HDAC4: variants seen among roughly 807,000 people sequenced by gnomAD.
HDAC4 encodes the protein histone deacetylase 4.
Under a neutral mutation model 135.1 loss-of-function variants are expected in HDAC4, and 16 were observed. The observed-to-expected ratio is 0.12, with a 90% confidence interval of 0.08 to 0.18. The LOEUF (loss-of-function observed/expected upper bound fraction) is 0.18, where lower values mean the gene tolerates loss of function less well. Ranked by LOEUF, HDAC4 falls within the 10% of genes least tolerant of loss-of-function variation. HDAC4 has a pLI of 1.00. For missense variants in HDAC4, 1,143 were observed against 1,511.8 expected (o/e 0.76, Z 4.05); for synonymous variants, 685 against 653.4 (o/e 1.05, Z -0.74).
chr2:239,158,980 C>G (rs2042601895), intron 6 of HDAC4, among the ~76,000 whole-genome samples: 1 of 151,882 alleles, frequency 6.6e-6, no homozygotes, highest in Non-Finnish European at 1.5e-5. Flanking sequence ...CTATTCACAC[C>G]CATGCCTCAC....
chr2:239,097,418 C>T (rs1251469024), intron 16 of HDAC4, among the ~76,000 whole-genome samples: 1 of 152,258 alleles, frequency 6.6e-6, no homozygotes. Context: ...GGACCCGCCA[C>T]TGCCTGGAGT....
chr2:239,160,887 T>C (rs1240514013), intron 6 of HDAC4, among the ~76,000 whole-genome samples: 1 of 152,200 alleles, frequency 6.6e-6, no homozygotes, highest in East Asian at 1.9e-4. Flanking sequence ...TGCCTGCCTG[T>C]TTTCCCACGT....
At chr2:239,319,273 C>T (rs2053228000) in intron 2 of HDAC4, among the ~76,000 whole-genome samples, 1 of 152,240 alleles carries the variant, frequency 6.6e-6, no homozygotes, top group African/African-American at 2.4e-5. Context: ...ACAATGAAGG[C>T]AGCACACGGC....
intron 1 of HDAC4, among the ~76,000 whole-genome samples, chr2:239,365,616 A>G (rs138928654): frequency 3.3e-5 from 5 of 152,214 alleles, no homozygotes; most frequent in Non-Finnish European, 1.5e-5. Context: ...CAGGGTCATC[A>G]GGGTCATGCA....
chr2:239,223,786 T>C (rs2047094886), intron 3 of HDAC4, among the ~76,000 whole-genome samples: 1 of 151,830 alleles, frequency 6.6e-6, no homozygotes, highest in Non-Finnish European at 1.5e-5. Flanking sequence ...GTAACTCTCT[T>C]GCCAGCAGGA....
intron 2 of HDAC4, among the ~76,000 whole-genome samples, chr2:239,291,125 C>T (rs1400989681): frequency 6.6e-6 from 1 of 152,212 alleles, no homozygotes; most frequent in African/African-American, 2.4e-5. Context: ...TCCAAGTTCC[C>T]AACAAAGAAA....
At chr2:239,117,396 C>T (rs573658352) in intron 12 of HDAC4, among the ~76,000 whole-genome samples, 6 of 152,216 alleles carry the variant, frequency 3.9e-5, no homozygotes, top group Non-Finnish European at 2.9e-5. Flanking sequence ...CAGCTCTAGG[C>T]CCAGGGACAG....
At chr2:239,324,741 C>T (rs1036176585) in intron 2 of HDAC4, among the ~76,000 whole-genome samples, 11 of 152,228 alleles carry the variant, frequency 7.2e-5, no homozygotes, top group African/African-American at 1.4e-4. Context: ...TTGTTAAACT[C>T]GCCATCCCTT....
chr2:239,379,894 A>G (rs978177629), intron 1 of HDAC4, among the ~76,000 whole-genome samples: 1 of 152,232 alleles, frequency 6.6e-6, no homozygotes, highest in African/African-American at 2.4e-5. Context: ...AGACACTGAC[A>G]GTGGGATAGG....
In HDAC4 at chr2:239,068,709, A is replaced by AC. The variant is rs977178587; in HGVS notation, c.2751-103dup. ...CTGGCATTGATAATGCCTGCCCCGC[A>AC]CCCCCTCGGCCACTGGCGGGCTGAG... On this transcript the variant is annotated intron_variant, in intron 22 of 26. Coordinates refer to ENST00000543185, the MANE Select transcript of HDAC4 (RefSeq NM_001378414.1). The surrounding 1 kb of genome is among the most constrained non-coding windows in gnomAD (Gnocchi z 4.4). 1 of 1,016,026 alleles carries AC rather than the reference A, an allele frequency of 9.8e-7. No individual in the cohort carries two copies. Among genetic ancestry groups the AC allele is most frequent in the African/African-American group, 1.6e-5 (1 of 63,726 alleles). 62.9% of individuals were successfully genotyped at this position (1,016,026 alleles called of 1,614,324 possible). A position where few individuals can be genotyped will look rare whatever the true frequency, so the allele number is the denominator to read the frequency against.
At chr2:239,371,667 T>A (rs1469220634) in intron 1 of HDAC4, among the ~76,000 whole-genome samples, 3 of 151,798 alleles carry the variant, frequency 2.0e-5, no homozygotes, top group Non-Finnish European at 4.4e-5. Context: ...ACGGACTCAC[T>A]CACACACACA....
At chr2:239,338,871 T>C (rs191167448) in intron 2 of HDAC4, among the ~76,000 whole-genome samples, 1 of 151,936 alleles carries the variant, frequency 6.6e-6, no homozygotes, top group East Asian at 1.9e-4. Context: ...GCCTCCAGGC[T>C]CCCCCCAAGG....
At chr2:239,398,390 T>C (rs1452262821) in intron 1 of HDAC4, among the ~76,000 whole-genome samples, 3 of 152,228 alleles carry the variant, frequency 2.0e-5, no homozygotes, top group Non-Finnish European at 4.4e-5. Context: ...TCATGCTGCA[T>C]TGAAACCTCA....
chr2:239,054,546 G>A (rs539251306), intron 25 of HDAC4, among the ~76,000 whole-genome samples: 24 of 152,260 alleles, frequency 1.6e-4, no homozygotes, highest in Non-Finnish European at 2.6e-4. Context: ...CCAGCAGGCC[G>A]GGGGAAATCC....
intron 5 of HDAC4, among the ~76,000 whole-genome samples, chr2:239,172,379 T>A (rs1430840261): frequency 4.6e-5 from 7 of 151,402 alleles, no homozygotes; most frequent in Admixed American, 4.6e-4. Flanking sequence ...ATAATTATAA[T>A]TCATATTGTA....
intron 2 of HDAC4, among the ~76,000 whole-genome samples, chr2:239,265,673 C>A (rs1230862625): frequency 6.6e-6 from 1 of 152,246 alleles, no homozygotes; most frequent in Non-Finnish European, 1.5e-5. Flanking sequence ...CCGGCACCAA[C>A]ACAGGCACCC....
At chr2:239,336,773 G>A (rs1044659022) in intron 2 of HDAC4, among the ~76,000 whole-genome samples, 1 of 152,104 alleles carries the variant, frequency 6.6e-6, no homozygotes, top group Non-Finnish European at 1.5e-5. Flanking sequence ...GTCACAATTG[G>A]GAACCAATAC....
intron 2 of HDAC4, among the ~76,000 whole-genome samples, chr2:239,265,820 T>G (rs1161897416): frequency 6.6e-6 from 1 of 152,222 alleles, no homozygotes; most frequent in Non-Finnish European, 1.5e-5. Context: ...AGCTCAAGCA[T>G]TCTGCTAGGT....
At position 239,331,826 on chromosome 2, in the gene HDAC4, C is replaced by T. The variant is rs963979616; in HGVS notation, c.22+20852G>A. On this transcript the variant is annotated intron_variant, in intron 2 of 26. Coordinates refer to ENST00000543185, the MANE Select transcript of HDAC4 (RefSeq NM_001378414.1). The surrounding 1 kb of genome is among the most constrained non-coding windows in gnomAD (Gnocchi z 4.5). ...GGGCACACTCGGCCCGCGTGTCCTC[C>T]AGAGGCTGAGGAGCGGAGCAGCACC... Among the ~76,000 whole-genome samples, 22 of 152,158 alleles carry T rather than the reference C, an allele frequency of 1.4e-4. No homozygotes were observed. The highest frequency in any genetic ancestry group is 2.9e-5 in the Non-Finnish European group (2 of 68,040).
Sources: allele counts gnomAD v4.1 joint callset (sites outside exome capture counted in the v4.1 genomes callset), GRCh38; gene constraint gnomAD v4.1.1; non-coding constraint Gnocchi (gnomAD v3.1); transcripts MANE v1.5; gene names NCBI Gene and HGNC (gene_info 2026-07-23, HGNC 2026-07-21).